The following PCTP variants were observed in gnomAD, a reference collection of about 807,000 sequenced individuals.
PCTP encodes the protein START domain-containing protein 2.
In PCTP, 27 loss-of-function variants were observed where a neutral mutation model predicts 31.0. The ratio of observed to expected loss-of-function variants is 0.87; its 90% confidence interval spans 0.64 to 1.20. The LOEUF (loss-of-function observed/expected upper bound fraction) is 1.20. PCTP is among the 50% of genes most tolerant of loss of function. The pLI is 0.00. For missense variants in PCTP, 287 were observed against 268.2 expected, an observed-to-expected ratio of 1.07 and a Z score of -0.49; for synonymous variants, 108 against 101.2, an observed-to-expected ratio of 1.07 and a Z score of -0.40.
downstream of PCTP, among the ~76,000 whole-genome samples, chr17:55,781,610 A>G (rs983427215): frequency 6.6e-6 from 1 of 152,172 alleles, no homozygotes; most frequent in Non-Finnish European, 1.5e-5. Flanking sequence ...ACTAAAAACA[A>G]ATAAACAAAA....
chr17:55,844,186 GTTTGTC>G (rs904417913), downstream of PCTP, among the ~76,000 whole-genome samples: 3 of 152,194 alleles, frequency 2.0e-5, no homozygotes, highest in African/African-American at 4.8e-5. Flanking sequence ...TGGCAGAATA[GTTTGTC>G]TTTGATCTAA....
intron 3 of PCTP, among the ~76,000 whole-genome samples, chr17:55,811,062 C>T (rs566956868): frequency 2.0e-5 from 3 of 152,284 alleles, no homozygotes; most frequent in African/African-American, 7.2e-5. Context: ...TTAATTACTT[C>T]GATTTCTACA....
Position 55,762,962 on chromosome 17 carries a change from A to G in PCTP, c.142-4373A>G, listed in dbSNP as rs574361234. On this transcript the variant is annotated intron_variant, in intron 1 of 5. Coordinates refer to ENST00000268896, the MANE Select transcript of PCTP (RefSeq NM_021213.4). ...CTACTTCCAACATAATCCTTTTACT[A>G]TTTGAATTGTAGGAAACTAAATGTC... 2.6e-5 allele frequency among the ~76,000 whole-genome samples: 4 copies of G among 152,316 alleles called. No homozygotes were observed. The East Asian group carries it at 7.7e-4, about 29-fold the overall frequency.
chr17:55,790,049 A>C (rs1050457594), intron 3 of PCTP, among the ~76,000 whole-genome samples: 2 of 152,214 alleles, frequency 1.3e-5, no homozygotes, highest in Admixed American at 1.3e-4. Flanking sequence ...CCAAAGACAA[A>C]AACCACATGA....
At chr17:55,814,693 G>T (rs1912861363) in intron 3 of PCTP, among the ~76,000 whole-genome samples, 1 of 152,254 alleles carries the variant, frequency 6.6e-6, no homozygotes, top group Non-Finnish European at 1.5e-5. Context: ...AAGGCAGGTG[G>T]TGGTGAACAC....
chr17:55,796,776 A>G (rs540372441), intron 3 of PCTP, among the ~76,000 whole-genome samples: 1 of 152,132 alleles, frequency 6.6e-6, no homozygotes, highest in African/African-American at 2.4e-5. Context: ...TCTTGAGAAA[A>G]GCAACCATAA....
intron 2 of PCTP, among the ~76,000 whole-genome samples, chr17:55,784,091 G>C (rs1911663256): frequency 6.6e-6 from 1 of 152,198 alleles, no homozygotes; most frequent in African/African-American, 2.4e-5. Context: ...TGTGAGAGGG[G>C]AGGGCTGGCG....
intron 2 of PCTP, among the ~76,000 whole-genome samples, chr17:55,785,955 C>T (rs1051846053): frequency 6.6e-6 from 1 of 152,168 alleles, no homozygotes; most frequent in Non-Finnish European, 1.5e-5. Context: ...TGATAATGCA[C>T]CTTTCTGTAT....
intron 1 of PCTP, among the ~76,000 whole-genome samples, chr17:55,754,293 ATC>A (rs1040223069): frequency 5.9e-5 from 9 of 152,314 alleles, no homozygotes; most frequent in Middle Eastern, 3.4e-3. Flanking sequence ...TAAATAGGGG[ATC>A]CCATGACCCC....
chr17:55,789,915 G>C (rs1163570772), intron 3 of PCTP, among the ~76,000 whole-genome samples: 1 of 152,112 alleles, frequency 6.6e-6, no homozygotes, highest in Non-Finnish European at 1.5e-5. Flanking sequence ...TAAAATACTG[G>C]CAAACCGAAT....
At chr17:55,781,749 A>ATGT (rs35985163), downstream of PCTP, among the ~76,000 whole-genome samples, 32,276 of 152,024 alleles carry the variant, frequency 0.21, 4,012 homozygotes, top group African/African-American at 0.35. Context: ...CAATTAAAAC[A>ATGT]TGTACAGGTT....
intron 3 of PCTP, among the ~76,000 whole-genome samples, chr17:55,804,832 G>A (rs1799033009): frequency 6.6e-6 from 1 of 151,964 alleles, no homozygotes; most frequent in Non-Finnish European, 1.5e-5. Flanking sequence ...CACACGTTCT[G>A]CCCATGTATC....
intron 5 of PCTP, chr17:55,775,799 A>C: frequency 8.0e-7 from 1 of 1,252,422 alleles, no homozygotes. Flanking sequence ...TTTTTCCTAG[A>C]AAAAGCTAAC....
At chr17:55,840,425 G>A (rs1905936669) in intron 5 of PCTP, among the ~76,000 whole-genome samples, 2 of 152,184 alleles carry the variant, frequency 1.3e-5, no homozygotes, top group South Asian at 2.1e-4. Flanking sequence ...TTACATCCAT[G>A]TAGATAATTA....
intron 3 of PCTP, among the ~76,000 whole-genome samples, chr17:55,808,395 A>G (rs1912642604): frequency 6.6e-6 from 1 of 152,238 alleles, no homozygotes; most frequent in Non-Finnish European, 1.5e-5. Flanking sequence ...GAGTTTACTC[A>G]TCCATAAAAA....
chr17:55,790,001 A>G (rs980277748), intron 3 of PCTP, among the ~76,000 whole-genome samples: 15 of 152,214 alleles, frequency 9.9e-5, no homozygotes, highest in Admixed American at 9.2e-4. Flanking sequence ...GGTTCAATAT[A>G]TGAAAATCAA....
intron 5 of PCTP, chr17:55,775,803 A>T: frequency 8.0e-7 from 1 of 1,252,428 alleles, no homozygotes; most frequent in African/African-American, 1.5e-5. Flanking sequence ...TCCTAGAAAA[A>T]GCTAACATAT....
At chr17:55,808,556 A>G (rs577725179) in intron 3 of PCTP, among the ~76,000 whole-genome samples, 12 of 152,324 alleles carry the variant, frequency 7.9e-5, no homozygotes, top group Admixed American at 5.9e-4. Flanking sequence ...CTTTATTGCA[A>G]TTATGAGAAG....
chr17:55,796,357 AC>A (rs547169600), intron 3 of PCTP, among the ~76,000 whole-genome samples: 13 of 151,988 alleles, frequency 8.6e-5, no homozygotes, highest in Non-Finnish European at 1.3e-4. Context: ...TATACTATTT[AC>A]CATCTGGTGG....
Sources: allele counts gnomAD v4.1 joint callset (sites outside exome capture counted in the v4.1 genomes callset), GRCh38; gene constraint gnomAD v4.1.1; transcripts MANE v1.5; gene names NCBI Gene and HGNC (gene_info 2026-07-23, HGNC 2026-07-21).